MELTF: variants seen among roughly 807,000 people sequenced by gnomAD.
The protein encoded by MELTF is antigen p97 (melanoma associated) identified by monoclonal antibodies 133.2 and 96.5.
Under a neutral mutation model 83.7 loss-of-function variants are expected in MELTF, and 67 were observed. The ratio of observed to expected loss-of-function variants is 0.80; its 90% CI spans 0.66 to 0.98. The LOEUF (loss-of-function observed/expected upper bound fraction) is 0.98. Ranked by LOEUF, MELTF falls within the 50% of genes least tolerant of loss-of-function variation. The pLI, the probability that MELTF is intolerant of heterozygous loss-of-function variation, is 0.00. For missense variants in MELTF, 1,002 were observed against 1,035.6 expected (o/e 0.97, Z 0.44); for synonymous variants, 462 against 447.6 (o/e 1.03, Z -0.41).
intron 11 of MELTF, among the ~76,000 whole-genome samples, 160 bp downstream of exon 11, chr3:197,009,458 A>G (rs1348264960): frequency 6.6e-6 from 1 of 152,192 alleles, no homozygotes; most frequent in Non-Finnish European, 1.5e-5. Flanking sequence ...CATGTATAGC[A>G]TATGGTGGGT....
Position 197,008,121 on chromosome 3 carries a change from G to C in MELTF, c.1750+536C>G, listed in dbSNP as rs1719044287. Reference sequence around the variant, plus strand: ...ATGTATGTACTGGGGTCCCGGAGCAGAGCGTTCCTGAGCTCTTTGTCCCAG... The same window carrying C: ...ATGTATGTACTGGGGTCCCGGAGCACAGCGTTCCTGAGCTCTTTGTCCCAG... On this transcript the variant is annotated intron_variant, in intron 13 of 15. Transcript: ENST00000296350. The surrounding 1 kb of genome is among the most constrained non-coding windows in gnomAD (Gnocchi z 5.4). Among the ~76,000 whole-genome samples, 1 of 152,220 alleles carries C rather than the reference G, an allele frequency of 6.6e-6. No individual in the cohort carries two copies. The highest frequency in any genetic ancestry group is 2.4e-5 in the African/African-American group (1 of 41,448).
Position 197,024,956 on chromosome 3 carries a change from C to T in MELTF, c.305-471G>A, listed in dbSNP as rs546416845. Among the ~76,000 whole-genome samples, 12 of 152,274 alleles carry T rather than the reference C, an allele frequency of 7.9e-5. No individual in the cohort carries two copies. Among genetic ancestry groups the T allele is most frequent in the East Asian group, 7.7e-4 (4 of 5,166 alleles). ...AGGAGGGGCTTCCCCAGATGAGGAGCGGCGATTTCCTGGTGCTGAGGGGGT... is the reference window on the plus strand; with the variant it reads ...AGGAGGGGCTTCCCCAGATGAGGAGTGGCGATTTCCTGGTGCTGAGGGGGT... On this transcript the variant is annotated intron_variant, in intron 3 of 15. Transcript: ENST00000296350. This position sits in a 1 kb window ranked among gnomAD's most constrained non-coding sequence, Gnocchi z 5.3.
At position 197,006,768 on chromosome 3, in the gene MELTF, G is replaced by A. The variant is rs761893612; in HGVS notation, c.1751-32C>T. On this transcript the variant is annotated intron_variant, in intron 13 of 15. Transcript: ENST00000296350. The surrounding 1 kb of genome is among the most constrained non-coding windows in gnomAD (Gnocchi z 5.4). ...GGGGTAAAGCAGTGTGTGTGGGGAC[G>A]TTCCGGGAGTGGAGAGAAGTGTAAA... 40 of 1,475,504 alleles carry A rather than the reference G, an allele frequency of 2.7e-5. No homozygotes were observed. Among genetic ancestry groups the A allele is most frequent in the Admixed American group, 7.5e-5 (3 of 39,786 alleles). 91.4% of individuals were successfully genotyped at this position (1,475,504 alleles called of 1,614,324 possible). A position where few individuals can be genotyped will look rare whatever the true frequency, so the allele number is the denominator to read the frequency against.
At chr3:197,017,407 G>A in intron 6 of MELTF, 117 bp from the exon 7 acceptor site, 1 of 944,490 alleles carries the variant, frequency 1.1e-6, no homozygotes, top group Non-Finnish European at 1.5e-6. Context: ...TGAGAACCCA[G>A]CATTCAGAAG....
Position 197,029,738 on chromosome 3 carries a change from T to TCC in MELTF, c.-37_-36insGG. On this transcript the variant is annotated 5_prime_UTR_variant, in exon 1 of 16. Coordinates refer to ENST00000296350, the MANE Select transcript of MELTF (RefSeq NM_005929.6). This position sits in a 1 kb window ranked among gnomAD's most constrained non-coding sequence, Gnocchi z 6.5. ...GGGCTGGCTGGGGCCGGGCTGGGGC[T>TCC]GGGTCCGGGTCCGAGGAGGTCCGCA... The TCC allele has an allele frequency of 8.2e-7, 1 of 1,223,874 alleles. No homozygotes were observed. The allele number at this position is 1,223,874 out of a possible 1,614,324, so 75.8% of individuals were successfully genotyped here.
In MELTF at chr3:197,008,779, C is replaced by T. The variant is rs375937926; in HGVS notation, c.1682+30G>A. ...GCAGGAGGGTCCCAGCCTCTGCACA[C>T]AGCCCCAGACTGCCAGGCCACCCGG... On this transcript the variant is annotated intron_variant, in intron 12 of 15. Coordinates refer to ENST00000296350, the MANE Select transcript of MELTF (RefSeq NM_005929.6). The surrounding 1 kb of genome is among the most constrained non-coding windows in gnomAD (Gnocchi z 5.4). The T allele has an allele frequency of 1.2e-6, 2 of 1,613,858 alleles. No individual in the cohort carries two copies. The highest frequency in any genetic ancestry group is 1.1e-5 in the South Asian group (1 of 91,048).
intron 2 of MELTF, 35 bp downstream of exon 2, chr3:197,027,721 C>G: frequency 6.3e-7 from 1 of 1,585,266 alleles, no homozygotes; most frequent in Non-Finnish European, 8.6e-7. Context: ...AGTCACAGCC[C>G]TCTTGTCTGG....
chr3:197,008,839 TC>T lies in MELTF; in HGVS notation c.1651del (p.Glu551SerfsTer77), dbSNP rs1263272892. 6.2e-7 allele frequency: 1 copy of T among 1,614,034 alleles called. No homozygotes were observed. Among genetic ancestry groups the T allele is most frequent in the Non-Finnish European group, 8.5e-7 (1 of 1,180,028 alleles). On this transcript the variant is annotated frameshift_variant, in exon 12 of 16. Transcript: ENST00000296350. LOFTEE classifies it high-confidence loss of function. This position sits in a 1 kb window ranked among gnomAD's most constrained non-coding sequence, Gnocchi z 5.4. Reference protein sequence around the residue: ...GRNKCVGNSQERYYGYRGAFR... With the variant: ...GRNKCVGNSQXRYYGYRGAFR... Reference sequence around the variant, plus strand: ...GGCGCCGCGGTAGCCGTAATACCGCTCCTGGCTGTTGCCCACACACTTGTTG... The same window carrying T: ...GGCGCCGCGGTAGCCGTAATACCGCTCTGGCTGTTGCCCACACACTTGTTG...
Position 197,003,195 on chromosome 3 carries a change from G to C in MELTF, c.*177C>G, listed in dbSNP as rs1718818056. 1.1e-5 allele frequency: 7 copies of C among 636,158 alleles called. No individual in the cohort carries two copies. Among genetic ancestry groups the C allele is most frequent in the Non-Finnish European group, 1.2e-5 (6 of 506,584 alleles). The allele number at this position is 636,158 out of a possible 1,614,324, so 39.4% of individuals were successfully genotyped here. A position where few individuals can be genotyped will look rare whatever the true frequency, so the allele number is the denominator to read the frequency against. On this transcript the variant is annotated 3_prime_UTR_variant, in exon 16 of 16. Transcript: ENST00000296350. The surrounding 1 kb of genome is among the most constrained non-coding windows in gnomAD (Gnocchi z 6.2). ...CGGGAAGGGCCGCGCGGGCCCGGGG[G>C]CGGCGCCTCAGGTAGCAGCGCCAGG... is the stretch of plus-strand genomic sequence containing the variant.
In MELTF at chr3:197,016,365, A is replaced by C. The variant is rs1408686512; in HGVS notation, c.905T>G (p.Leu302Arg). 4 of 1,584,950 alleles carry C rather than the reference A, an allele frequency of 2.5e-6. No homozygotes were observed. Among genetic ancestry groups the C allele is most frequent in the Admixed American group, 1.7e-5 (1 of 57,316 alleles). ...IFRLLNEGQR[L>R]FSHEGSSFQM... The stretch of plus-strand genomic sequence containing the variant: ...GAAGCTGCTGCCCTCGTGGCTGAAC[A>C]GACGCTGTGTGTCAAGGGGTGTGGT... Residue 302 changes from leucine to arginine, a missense_variant, in exon 8 of 16, where the codon CTG (leucine) becomes CGG (arginine). Physicochemically the swap from Leu to Arg is moderately radical, Grantham distance 102. Coordinates refer to ENST00000296350, the MANE Select transcript of MELTF (RefSeq NM_005929.6).
Position 197,029,767 on chromosome 3 carries a change from G to T in MELTF, c.-65C>A, listed in dbSNP as rs1389510822. The T allele has an allele frequency of 5.4e-6, 6 of 1,106,428 alleles. No homozygotes were observed. The highest frequency in any genetic ancestry group is 1.1e-6 in the Non-Finnish European group (1 of 874,162). The allele number at this position is 1,106,428 out of a possible 1,614,324, so 68.5% of individuals were successfully genotyped here. ...TCCGGGTCCGAGGAGGTCCGCAGCA[G>T]CCGGGCTTCCTCCCTGCTCCCCCTC... On this transcript the variant is annotated 5_prime_UTR_variant, in exon 1 of 16. It adds an upstream start codon to the 5' untranslated region. Transcript: ENST00000296350. This position sits in a 1 kb window ranked among gnomAD's most constrained non-coding sequence, Gnocchi z 6.5.
In MELTF at chr3:197,001,968, G is replaced by GA. The variant is rs761269743; in HGVS notation, c.*1403dup. On this transcript the variant is annotated 3_prime_UTR_variant, in exon 16 of 16. Transcript: ENST00000296350. ...TTCTCACCGCACAAAACTCCCTTTTGAAAAAACCAAGCAATCGTCAGGTCG... is the reference window on the plus strand; with the variant it reads ...TTCTCACCGCACAAAACTCCCTTTTGAAAAAAACCAAGCAATCGTCAGGTCG... The GA allele has an allele frequency of 6.6e-6, 1 of 152,284 alleles. No homozygotes were observed. Among genetic ancestry groups the GA allele is most frequent in the East Asian group, 1.9e-4 (1 of 5,152 alleles). 9.4% of individuals were successfully genotyped at this position (152,284 alleles called of 1,614,324 possible). A position where few individuals can be genotyped will look rare whatever the true frequency, so the allele number is the denominator to read the frequency against.
chr3:197,016,474 C>T, intron 7 of MELTF, 105 bp from the exon 8 acceptor site: 1 of 1,088,036 alleles, frequency 9.2e-7, no homozygotes, highest in Non-Finnish European at 1.3e-6. Flanking sequence ...TCAGACCAGG[C>T]ACCCACCCTG....
In MELTF at chr3:197,024,197, G is replaced by T; in HGVS notation, c.487+106C>A. 2 of 1,268,944 alleles carry T rather than the reference G, an allele frequency of 1.6e-6. No homozygotes were observed. Among genetic ancestry groups the T allele is most frequent in the Non-Finnish European group, 2.2e-6 (2 of 919,318 alleles). 78.6% of individuals were successfully genotyped at this position (1,268,944 alleles called of 1,614,324 possible). ...GGCTGCTGCGCCTTCCAGGAATGAA[G>T]AATGGTGGCGAGGCCGGAGGGAGGC... On this transcript the variant is annotated intron_variant, in intron 4 of 15. Transcript: ENST00000296350. The surrounding 1 kb of genome is among the most constrained non-coding windows in gnomAD (Gnocchi z 5.3).
At chr3:197,023,158 G>C (rs1324618139) in intron 4 of MELTF, 45 bp from the exon 5 acceptor site, 1 of 1,606,906 alleles carries the variant, frequency 6.2e-7, no homozygotes, top group Non-Finnish European at 8.5e-7. Flanking sequence ...ACTTTCTTCA[G>C]AGCCAAGCCA....
In MELTF at chr3:197,022,375, C is replaced by T. The variant is rs900182036; in HGVS notation, c.644+582G>A. Among the ~76,000 whole-genome samples, 9 of 152,156 alleles carry T rather than the reference C, an allele frequency of 5.9e-5. No individual in the cohort carries two copies. Among genetic ancestry groups the T allele is most frequent in the African/African-American group, 7.2e-5 (3 of 41,426 alleles). ...TGAGGACTGTTTCTTCTCTCTAAGC[C>T]GAAAACCGCATCCAGTCAGATAACA... is the stretch of plus-strand genomic sequence containing the variant. On this transcript the variant is annotated intron_variant, in intron 5 of 15. Coordinates refer to ENST00000296350, the MANE Select transcript of MELTF (RefSeq NM_005929.6). The surrounding 1 kb of genome is among the most constrained non-coding windows in gnomAD (Gnocchi z 5.1).
At position 197,006,968 on chromosome 3, in the gene MELTF, T is replaced by C. The variant is rs140651218; in HGVS notation, c.1751-232A>G. 4.8e-4 allele frequency among the ~76,000 whole-genome samples: 73 copies of C among 152,184 alleles called. 2 individuals carry two copies. The highest frequency in any genetic ancestry group is 1.6e-3 in the African/African-American group (67 of 41,516). ...CCATTAATTAGCAGGGAGTAGGGAG[T>C]ACCTACTATGTGACAAGTACTTTAC... On this transcript the variant is annotated intron_variant, in intron 13 of 15. Coordinates refer to ENST00000296350, the MANE Select transcript of MELTF (RefSeq NM_005929.6). The surrounding 1 kb of genome is among the most constrained non-coding windows in gnomAD (Gnocchi z 5.4).
chr3:197,020,254 T>C (rs1719566412), intron 6 of MELTF, among the ~76,000 whole-genome samples: 1 of 151,914 alleles, frequency 6.6e-6, no homozygotes, highest in Non-Finnish European at 1.5e-5. Flanking sequence ...ACCCCATGCG[T>C]GGTAAGAGTT....
rs560375179 is a variant in MELTF, at chr3:197,022,441, G to A, written c.644+516C>T. Reference sequence around the variant, plus strand: ...ACCAGCAGGCTTCCCTGCTCCAGGTGGAAACGTGAGGTAGCTAGAGGGGCC... The same window carrying A: ...ACCAGCAGGCTTCCCTGCTCCAGGTAGAAACGTGAGGTAGCTAGAGGGGCC... On this transcript the variant is annotated intron_variant, in intron 5 of 15. Coordinates refer to ENST00000296350, the MANE Select transcript of MELTF (RefSeq NM_005929.6). The surrounding 1 kb of genome is among the most constrained non-coding windows in gnomAD (Gnocchi z 5.1). 1.8e-4 allele frequency among the ~76,000 whole-genome samples: 28 copies of A among 152,310 alleles called. No homozygotes were observed. The highest frequency in any genetic ancestry group is 3.3e-4 in the Admixed American group (5 of 15,298).
Sources: gnomAD v4.1 joint callset for allele counts (sites outside exome capture counted in the v4.1 genomes callset) on GRCh38, gnomAD v4.1.1 for gene constraint, Gnocchi (gnomAD v3.1) non-coding constraint, MANE v1.5 for transcripts, NCBI Gene and HGNC (gene_info 2026-07-23, HGNC 2026-07-21) for gene names.